Variants in RPS6KC1 observed in about 807,000 individuals in gnomAD.
The protein encoded by RPS6KC1 is inactive ribosomal protein S6 kinase delta-1.
In RPS6KC1, 54 loss-of-function variants were observed where a neutral mutation model predicts 103.8. The observed-to-expected ratio is 0.52, with a 90% CI of 0.42 to 0.65. The LOEUF (loss-of-function observed/expected upper bound fraction) is 0.65, where lower values mean the gene tolerates loss of function less well. Ranked by LOEUF, RPS6KC1 falls within the 30% of genes least tolerant of loss-of-function variation. The pLI is 0.00. For synonymous variants in RPS6KC1, 439 were observed against 438.7 expected (o/e 1.00, Z -0.01); for missense variants, 1,151 against 1,253.8 (o/e 0.92, Z 1.24).
At chr1:213,563,929 C>T in the RPS6KC1 span, among the ~76,000 whole-genome samples, 3 of 148,416 alleles carry the variant, frequency 2.0e-5, no homozygotes, top group African/African-American at 7.4e-5. Flanking sequence ...TATTTGCTTA[C>T]CATTTATTTA....
At chr1:213,216,785 G>A (rs1287806479) in intron 8 of RPS6KC1, among the ~76,000 whole-genome samples, 7 of 150,438 alleles carry the variant, frequency 4.7e-5, no homozygotes, top group African/African-American at 9.9e-5. Context: ...GGTACATAAC[G>A]AAATGAAGGC....
chr1:213,154,730 G>A (rs1292856598), intron 6 of RPS6KC1, among the ~76,000 whole-genome samples: 1 of 152,232 alleles, frequency 6.6e-6, no homozygotes. Flanking sequence ...TTAAGTGCCC[G>A]CTTGGTGCTC....
the RPS6KC1 span, among the ~76,000 whole-genome samples, chr1:213,696,768 C>T: frequency 6.6e-6 from 1 of 152,148 alleles, no homozygotes; most frequent in Non-Finnish European, 1.5e-5. Context: ...TCTCTCTCAC[C>T]TCTCAATGCA....
At chr1:213,684,424 TCAC>T in the RPS6KC1 span, among the ~76,000 whole-genome samples, 1 of 152,176 alleles carries the variant, frequency 6.6e-6, no homozygotes, top group Non-Finnish European at 1.5e-5. Flanking sequence ...TAGTGTTTCT[TCAC>T]CACCAGTCAC....
chr1:213,811,867 CAGTT>C, the RPS6KC1 span, among the ~76,000 whole-genome samples: 1 of 152,196 alleles, frequency 6.6e-6, no homozygotes, highest in South Asian at 2.1e-4. Context: ...GTGGTATAAA[CAGTT>C]ATGTCATATC....
chr1:213,230,441 AAG>A, intron 8 of RPS6KC1, 54 bp from the exon 9 acceptor site: 1 of 1,299,854 alleles, frequency 7.7e-7, no homozygotes, highest in South Asian at 1.3e-5. Context: ...GTTTAAAGCT[AAG>A]AGTTAATGTT....
At chr1:213,605,091 A>T in the RPS6KC1 span, among the ~76,000 whole-genome samples, 7 of 151,822 alleles carry the variant, frequency 4.6e-5, 1 homozygote, top group African/African-American at 1.7e-4. Context: ...AAGTTCTCAA[A>T]CTTTCTCTGT....
At chr1:213,507,719 G>A in the RPS6KC1 span, among the ~76,000 whole-genome samples, 9 of 152,190 alleles carry the variant, frequency 5.9e-5, no homozygotes, top group South Asian at 1.9e-3. Flanking sequence ...TCTCAAGTAT[G>A]CCCAGGCATG....
chr1:213,679,338 T>A, the RPS6KC1 span, among the ~76,000 whole-genome samples: 3 of 152,218 alleles, frequency 2.0e-5, no homozygotes, highest in Non-Finnish European at 2.9e-5. Flanking sequence ...CAGTTCTACC[T>A]TGTTTAAACA....
At chr1:213,841,700 A>G in the RPS6KC1 span, among the ~76,000 whole-genome samples, 5 of 152,284 alleles carry the variant, frequency 3.3e-5, no homozygotes, top group South Asian at 2.1e-4. Flanking sequence ...GAATTGTCCA[A>G]TTTTTAAGGA....
chr1:213,543,135 A>G, the RPS6KC1 span, among the ~76,000 whole-genome samples: 1 of 152,214 alleles, frequency 6.6e-6, no homozygotes, highest in Non-Finnish European at 1.5e-5. Flanking sequence ...GGGAGCTGGA[A>G]AGTGGTTACG....
At chr1:213,703,275 T>C in the RPS6KC1 span, among the ~76,000 whole-genome samples, 1 of 152,212 alleles carries the variant, frequency 6.6e-6, no homozygotes, top group African/African-American at 2.4e-5. Context: ...TTACTTTTTG[T>C]TGTTTCTACT....
At chr1:213,235,776 T>C (rs1056504709) in intron 10 of RPS6KC1, among the ~76,000 whole-genome samples, 2 of 152,042 alleles carry the variant, frequency 1.3e-5, no homozygotes, top group African/African-American at 4.8e-5. Flanking sequence ...TTATTCTAAA[T>C]GAGATAAGAT....
chr1:213,503,333 T>G, the RPS6KC1 span, among the ~76,000 whole-genome samples: 1 of 152,190 alleles, frequency 6.6e-6, no homozygotes, highest in Non-Finnish European at 1.5e-5. Context: ...ATGGTAGAGA[T>G]AGCCGATAAC....
At chr1:213,579,585 A>G in the RPS6KC1 span, among the ~76,000 whole-genome samples, 32 of 152,200 alleles carry the variant, frequency 2.1e-4, no homozygotes, top group East Asian at 6.0e-3. Flanking sequence ...TTGGAAGAAG[A>G]TGCCATCTAG....
At chr1:213,174,043 G>A (rs531479980) in intron 7 of RPS6KC1, among the ~76,000 whole-genome samples, 1 of 152,322 alleles carries the variant, frequency 6.6e-6, no homozygotes, top group African/African-American at 2.4e-5. Flanking sequence ...ATCATTTAAA[G>A]TATTCTTTTT....
At chr1:213,363,698 CTTTCCTTCTTTCT>C in the RPS6KC1 span, among the ~76,000 whole-genome samples, 1 of 93,038 alleles carries the variant, frequency 1.1e-5, no homozygotes, top group East Asian at 2.3e-4. Context: ...TTCTTTCTTT[CTTTCCTTCTTTCT>C]TTCTTTCTTT....
At chr1:213,218,974 A>G (rs2093747069) in intron 8 of RPS6KC1, among the ~76,000 whole-genome samples, 1 of 152,240 alleles carries the variant, frequency 6.6e-6, no homozygotes, top group Admixed American at 6.5e-5. Flanking sequence ...TGTCTAAAAC[A>G]CCAAAAGCAA....
At chr1:213,210,461 A>G (rs1269042192) in intron 8 of RPS6KC1, among the ~76,000 whole-genome samples, 1 of 152,166 alleles carries the variant, frequency 6.6e-6, no homozygotes, top group Non-Finnish European at 1.5e-5. Context: ...CAAACTGAAA[A>G]CCGTCCAAAC....
Sources: allele counts gnomAD v4.1 joint callset (sites outside exome capture counted in the v4.1 genomes callset), GRCh38; gene constraint gnomAD v4.1.1; transcripts MANE v1.5; gene names NCBI Gene and HGNC (gene_info 2026-07-23, HGNC 2026-07-21).